The following FAM193A variants were observed in gnomAD, a reference collection of about 807,000 sequenced individuals.
FAM193A encodes protein FAM193A.
A neutral mutation model predicts 126.5 loss-of-function variants in FAM193A; 22 were observed. The observed-to-expected ratio is 0.17, with a 90% CI of 0.12 to 0.25. The LOEUF is 0.25. FAM193A is among the 10% of genes least tolerant of loss of function. The pLI is 1.00. For synonymous variants in FAM193A, 761 were observed against 646.8 expected, an observed-to-expected ratio of 1.18 and a Z score of -2.68; for missense variants, 1,675 against 1,672.8, an observed-to-expected ratio of 1.00 and a Z score of -0.02.
In FAM193A at chr4:2,659,642, G is replaced by C. The variant is rs756424457; in HGVS notation, c.1474G>C (p.Asp492His). The C allele has an allele frequency of 6.2e-7, 1 of 1,613,954 alleles. No individual in the cohort carries two copies. The highest frequency in any genetic ancestry group is 8.5e-7 in the Non-Finnish European group (1 of 1,179,962). ...HMLSSRLSMP[D>H]CPNCNYRRRC... ...GTTATCGTCCCGGCTGAGCATGCCC[G>C]ACTGCCCCAACTGCAACTACAGGAG... Residue 492 changes from aspartate to histidine, a missense_variant, in exon 9 of 21, where the codon GAC (aspartate) becomes CAC (histidine). By Grantham distance (81) the Asp-to-His change is moderately conservative. Around this residue, in one of 4 missense-constraint regions of FAM193A, gnomAD observed 1,186 missense variants for 1,109.2 expected, o/e 1.07. Coordinates refer to ENST00000637812, the MANE Select transcript of FAM193A (RefSeq NM_001366318.2).
intron 13 of FAM193A, among the ~76,000 whole-genome samples, chr4:2,677,673 G>A (rs1181009550): frequency 2.0e-5 from 3 of 151,406 alleles, no homozygotes; most frequent in Non-Finnish European, 4.4e-5. Flanking sequence ...CCCGGGAGGC[G>A]GAGATTGCAG....
chr4:2,711,738 C>G (rs1007371721), intron 19 of FAM193A, among the ~76,000 whole-genome samples: 1 of 151,812 alleles, frequency 6.6e-6, no homozygotes, highest in Non-Finnish European at 1.5e-5. Flanking sequence ...CACTTGAGGT[C>G]AGGAGTTCGG....
At chr4:2,724,085 CTT>C (rs1720468304) in intron 20 of FAM193A, among the ~76,000 whole-genome samples, 3 of 150,402 alleles carry the variant, frequency 2.0e-5, no homozygotes, top group Admixed American at 6.6e-5. Flanking sequence ...TTTATTATCT[CTT>C]ATTAATACTA....
intron 5 of FAM193A, among the ~76,000 whole-genome samples, chr4:2,638,057 A>G (rs1227020342): frequency 6.6e-6 from 1 of 152,216 alleles, no homozygotes; most frequent in African/African-American, 2.4e-5. Context: ...CCACTCATAG[A>G]CAGGCAGGTG....
chr4:2,708,005 C>A, intron 19 of FAM193A: 1 of 287,102 alleles, frequency 3.5e-6, no homozygotes, highest in Non-Finnish European at 7.2e-6. Context: ...CTGCCTTAGC[C>A]TCCCAAAGTG....
intron 7 of FAM193A, among the ~76,000 whole-genome samples, chr4:2,648,355 G>C (rs1745346526): frequency 6.6e-6 from 1 of 152,212 alleles, no homozygotes; most frequent in Admixed American, 6.5e-5. Context: ...TCAGGGTGAG[G>C]AGGGGCCTCA....
chr4:2,731,566 TTCC>T (rs1346312514), intron 20 of FAM193A, among the ~76,000 whole-genome samples: 1 of 151,672 alleles, frequency 6.6e-6, no homozygotes, highest in Non-Finnish European at 1.5e-5. Flanking sequence ...CGCCCACCCA[TTCC>T]TCCTCCCGAG....
chr4:2,574,029 AC>A (rs1739442544), intron 1 of FAM193A, among the ~76,000 whole-genome samples: 1 of 152,172 alleles, frequency 6.6e-6, no homozygotes, highest in African/African-American at 2.4e-5. Context: ...TTTTTATTCA[AC>A]AACTTTGGTT....
At chr4:2,695,550 C>G (rs1013155058) in intron 17 of FAM193A, among the ~76,000 whole-genome samples, 3 of 152,176 alleles carry the variant, frequency 2.0e-5, no homozygotes, top group Non-Finnish European at 2.9e-5. Context: ...CAATTATCAC[C>G]CACTGTTTAA....
intron 20 of FAM193A, among the ~76,000 whole-genome samples, chr4:2,726,309 G>C (rs1205542593): frequency 6.6e-6 from 1 of 152,204 alleles, no homozygotes; most frequent in Non-Finnish European, 1.5e-5. Context: ...CAAACGTTGG[G>C]ATTAGAGGCG....
chr4:2,676,639 G>A (rs1234913675), intron 13 of FAM193A, among the ~76,000 whole-genome samples: 4 of 151,930 alleles, frequency 2.6e-5, no homozygotes, highest in African/African-American at 9.7e-5. Context: ...GTCTGTTGAC[G>A]CACAACATTT....
intron 1 of FAM193A, among the ~76,000 whole-genome samples, chr4:2,570,206 A>G (rs1244213572): frequency 1.3e-5 from 2 of 152,046 alleles, no homozygotes; most frequent in African/African-American, 4.8e-5. Context: ...CCATTAGTTA[A>G]ACTCATTGGG....
At chr4:2,570,880 A>C (rs1164038958) in intron 1 of FAM193A, among the ~76,000 whole-genome samples, 1 of 152,184 alleles carries the variant, frequency 6.6e-6, no homozygotes, top group Non-Finnish European at 1.5e-5. Flanking sequence ...TATCCTGGGT[A>C]GTAAGTCAAG....
chr4:2,603,498 C>T (rs1023455744), intron 2 of FAM193A, among the ~76,000 whole-genome samples: 2 of 147,366 alleles, frequency 1.4e-5, no homozygotes, highest in African/African-American at 2.5e-5. Flanking sequence ...GCTCAGTCAC[C>T]CAGGCTGGAG....
intron 20 of FAM193A, among the ~76,000 whole-genome samples, chr4:2,728,834 A>G (rs1353363417): frequency 6.6e-6 from 1 of 151,962 alleles, no homozygotes; most frequent in Admixed American, 6.6e-5. Flanking sequence ...ATTCAAAGAC[A>G]AACAGCTTTA....
intron 6 of FAM193A, among the ~76,000 whole-genome samples, chr4:2,641,830 G>C (rs1190056917): frequency 2.0e-5 from 3 of 152,242 alleles, no homozygotes; most frequent in South Asian, 4.1e-4. Flanking sequence ...GAAGCTACAC[G>C]TGCTGGCTCA....
intron 7 of FAM193A, among the ~76,000 whole-genome samples, chr4:2,652,196 C>G (rs1024486522): frequency 6.6e-6 from 1 of 152,152 alleles, no homozygotes; most frequent in Non-Finnish European, 1.5e-5. Flanking sequence ...TGCCTGTCAA[C>G]AAAGATGACT....
chr4:2,694,318 G>A (rs1716784543), intron 16 of FAM193A, among the ~76,000 whole-genome samples: 1 of 152,096 alleles, frequency 6.6e-6, no homozygotes, highest in South Asian at 2.1e-4. Flanking sequence ...CGCCCAGGCT[G>A]AAGTGCAGTA....
chr4:2,617,262 A>ATATATATATATATATT lies in FAM193A; in HGVS notation c.502-7999_502-7998insATATATATATATATTT. 2.0e-4 allele frequency among the ~76,000 whole-genome samples: 5 copies of ATATATATATATATATT among 25,068 alleles called. No homozygotes were observed. In the African/African-American group the frequency reaches 2.4e-3, roughly 12 times the overall value. 16.4% of individuals were successfully genotyped at this position (25,068 alleles called of 152,430 possible). On this transcript the variant is annotated intron_variant, in intron 2 of 20. Coordinates refer to ENST00000637812, the MANE Select transcript of FAM193A (RefSeq NM_001366318.2). ...TTATTATATATATATATATATATAT[A>ATATATATATATATATT]TTTTTTTTTTTTTTTTTTTTTTGAG...
Sources: gnomAD v4.1 joint callset for allele counts (sites outside exome capture counted in the v4.1 genomes callset) on GRCh38, gnomAD v4.1.1 for gene constraint, gnomAD v4.1.1 regional missense constraint, MANE v1.5 for transcripts, NCBI Gene and HGNC (gene_info 2026-07-23, HGNC 2026-07-21) for gene names.